The following SSBP2 variants were observed in gnomAD, a reference collection of about 807,000 sequenced individuals.
SSBP2 encodes single stranded DNA binding protein 2, also known as single-stranded DNA-binding protein 2.
A neutral mutation model predicts 61.8 loss-of-function variants in SSBP2; 17 were observed. That is an observed-to-expected ratio of 0.28 (90% CI 0.19 to 0.41). The LOEUF (loss-of-function observed/expected upper bound fraction) is 0.41. Ranked by LOEUF, SSBP2 falls within the 10% of genes least tolerant of loss-of-function variation. The pLI is 1.00. For missense variants in SSBP2, 310 were observed against 458.7 expected (o/e 0.68, Z 2.96); for synonymous variants, 139 against 141.3 (o/e 0.98, Z 0.12).
chr5:81,608,932 T>C (rs1014319655), intron 4 of SSBP2, among the ~76,000 whole-genome samples: 2 of 152,024 alleles, frequency 1.3e-5, no homozygotes, highest in Admixed American at 1.3e-4. Context: ...TAAAGAAGAA[T>C]AAAGAGGATA....
rs1405717708 is a variant in SSBP2 at position 81,594,427 on chromosome 5, G to T, written c.282+21046C>A. Among the ~76,000 whole-genome samples the T allele has an allele frequency of 2.6e-5, 4 of 152,248 alleles. No homozygotes were observed. In the East Asian group the frequency reaches 7.7e-4, roughly 29 times the overall value. ...AACACCCCACTGTCAACATTAGACA[G>T]ATCAACGAGACAGAAAGTTAACAAG... On this transcript the variant is annotated intron_variant, in intron 4 of 16. Coordinates refer to ENST00000320672, the MANE Select transcript of SSBP2 (RefSeq NM_012446.5).
chr5:81,445,779 A>C (rs1763364798), intron 12 of SSBP2, among the ~76,000 whole-genome samples: 1 of 152,182 alleles, frequency 6.6e-6, no homozygotes, highest in African/African-American at 2.4e-5. Context: ...AAACATCATA[A>C]TCAAAAATAC....
At chr5:81,709,776 A>C (rs533166494) in intron 1 of SSBP2, among the ~76,000 whole-genome samples, 174 of 151,982 alleles carry the variant, frequency 1.1e-3, no homozygotes, top group African/African-American at 4.1e-3. Context: ...AAAAGAAAAA[A>C]ATTTTAAAAG....
At chr5:81,509,919 T>C (rs1768467879) in intron 5 of SSBP2, among the ~76,000 whole-genome samples, 1 of 152,218 alleles carries the variant, frequency 6.6e-6, no homozygotes, top group South Asian at 2.1e-4. Context: ...TGTTTATTCC[T>C]TTCTAATTCT....
chr5:81,640,241 G>A (rs1413929133), intron 2 of SSBP2, among the ~76,000 whole-genome samples: 1 of 152,120 alleles, frequency 6.6e-6, no homozygotes, highest in African/African-American at 2.4e-5. Flanking sequence ...TCAGGAGGCG[G>A]AGGCAGAAGA....
At chr5:81,578,024 T>C (rs1012077217) in intron 4 of SSBP2, among the ~76,000 whole-genome samples, 37 of 152,030 alleles carry the variant, frequency 2.4e-4, no homozygotes, top group African/African-American at 8.4e-4. Flanking sequence ...TTAGAGGAAT[T>C]AAGTGACTTG....
chr5:81,420,571 C>A (rs1043685841), intron 16 of SSBP2, 38 bp from the exon 17 acceptor site: 3 of 1,565,052 alleles, frequency 1.9e-6, no homozygotes, highest in Non-Finnish European at 2.6e-6. Flanking sequence ...AACAACAATT[C>A]TTTTAGAGAT....
chr5:81,644,026 C>T (rs1449958777), intron 2 of SSBP2, among the ~76,000 whole-genome samples: 3 of 152,168 alleles, frequency 2.0e-5, no homozygotes, highest in East Asian at 3.8e-4. Flanking sequence ...TCGGTAGTCA[C>T]GTGTGGCTAT....
chr5:81,429,484 T>A (rs1415887423), intron 15 of SSBP2, among the ~76,000 whole-genome samples: 1 of 152,144 alleles, frequency 6.6e-6, no homozygotes, highest in Non-Finnish European at 1.5e-5. Flanking sequence ...TCCACATCAA[T>A]AGGAAATGTA....
At chr5:81,560,469 G>C (rs1772959137) in intron 4 of SSBP2, among the ~76,000 whole-genome samples, 1 of 152,178 alleles carries the variant, frequency 6.6e-6, no homozygotes, top group South Asian at 2.1e-4. Flanking sequence ...CTCAGAATCA[G>C]TTTGTAGGGA....
At chr5:81,637,423 A>G (rs1748340812) in intron 2 of SSBP2, among the ~76,000 whole-genome samples, 1 of 152,172 alleles carries the variant, frequency 6.6e-6, no homozygotes, top group African/African-American at 2.4e-5. Flanking sequence ...TCCACATATT[A>G]CATTCTCTGT....
Position 81,631,717 on chromosome 5 carries a change from A to C in SSBP2, c.197+4840T>G, listed in dbSNP as rs184839939. On this transcript the variant is annotated intron_variant, in intron 3 of 16. Coordinates refer to ENST00000320672, the MANE Select transcript of SSBP2 (RefSeq NM_012446.5). ...TTTAAAGACTATCCTTCACTCTCTT[A>C]AAAATTCATCATCATCATCACCACC... Among the ~76,000 whole-genome samples, 26 of 152,300 alleles carry C rather than the reference A, an allele frequency of 1.7e-4. No individual in the cohort carries two copies. The East Asian group carries it at 4.6e-3, about 27-fold the overall frequency.
At chr5:81,656,774 T>C (rs1183041898) in intron 1 of SSBP2, among the ~76,000 whole-genome samples, 1 of 150,982 alleles carries the variant, frequency 6.6e-6, no homozygotes, top group Non-Finnish European at 1.5e-5. Flanking sequence ...CATTTCAAAA[T>C]TTCACTAATG....
chr5:81,747,407 A>G (rs779295095), intron 1 of SSBP2, among the ~76,000 whole-genome samples: 8 of 151,384 alleles, frequency 5.3e-5, no homozygotes, highest in Non-Finnish European at 7.4e-5. Context: ...TTAATGGAGG[A>G]AAAAAAAAGC....
chr5:81,561,907 A>C (rs1773068023), intron 4 of SSBP2, among the ~76,000 whole-genome samples: 1 of 152,022 alleles, frequency 6.6e-6, no homozygotes, highest in Non-Finnish European at 1.5e-5. Context: ...GACCCTTTTT[A>C]TTTTACTTTT....
chr5:81,461,527 G>A (rs1294648553), intron 9 of SSBP2, among the ~76,000 whole-genome samples: 1 of 151,704 alleles, frequency 6.6e-6, no homozygotes, highest in Non-Finnish European at 1.5e-5. Context: ...ATCAATATAT[G>A]TAAAATGATT....
chr5:81,680,098 C>A (rs2153811766), intron 1 of SSBP2, among the ~76,000 whole-genome samples: 1 of 151,978 alleles, frequency 6.6e-6, no homozygotes, highest in African/African-American at 2.4e-5. Context: ...CCACCCCACC[C>A]TGTTCTTGGG....
intron 1 of SSBP2, among the ~76,000 whole-genome samples, chr5:81,725,769 A>G (rs952554140): frequency 3.3e-5 from 5 of 152,132 alleles, no homozygotes; most frequent in African/African-American, 1.2e-4. Flanking sequence ...ATTTGCTTCA[A>G]AATAATACAG....
intron 1 of SSBP2, among the ~76,000 whole-genome samples, chr5:81,715,238 C>G (rs1755098990): frequency 6.6e-6 from 1 of 151,988 alleles, no homozygotes; most frequent in Admixed American, 6.6e-5. Context: ...TTTTCTAGGT[C>G]AAAAGAAGCC....
Sources: gnomAD v4.1 joint callset for allele counts (sites outside exome capture counted in the v4.1 genomes callset) on GRCh38, gnomAD v4.1.1 for gene constraint, MANE v1.5 for transcripts, NCBI Gene and HGNC (gene_info 2026-07-23, HGNC 2026-07-21) for gene names.